The following PPME1 variants were observed in gnomAD, a reference collection of about 807,000 sequenced individuals.
PPME1 encodes the protein testicular secretory protein Li 39.
A neutral mutation model predicts 56.9 loss-of-function variants in PPME1; 17 were observed. The observed-to-expected ratio is 0.30, with a 90% CI of 0.20 to 0.45. The LOEUF is 0.45. Among genes scored for constraint, PPME1 ranks in the 20% least tolerant of loss-of-function variants. PPME1 has a pLI of 1.00. For synonymous variants in PPME1, 122 were observed against 156.2 expected (o/e 0.78, Z 1.63); for missense variants, 357 against 483.2 (o/e 0.74, Z 2.45).
intron 5 of PPME1, among the ~76,000 whole-genome samples, chr11:74,227,251 T>TA (rs1858953769): frequency 6.6e-6 from 1 of 152,132 alleles, no homozygotes; most frequent in African/African-American, 2.4e-5. Flanking sequence ...CTGGCAAGGG[T>TA]AAAATATTTA....
chr11:74,174,236 C>T (rs546226728), intron 1 of PPME1, among the ~76,000 whole-genome samples: 1 of 152,108 alleles, frequency 6.6e-6, no homozygotes, highest in Non-Finnish European at 1.5e-5. Context: ...CCTAAGGTAC[C>T]CTAGAAGCTT....
intron 1 of PPME1, among the ~76,000 whole-genome samples, chr11:74,195,689 C>T (rs1857962785): frequency 1.3e-5 from 2 of 152,178 alleles, no homozygotes; most frequent in African/African-American, 4.8e-5. Context: ...AAATAATCTT[C>T]CCTGTTTCCT....
At chr11:74,252,940 T>C (rs377020021) in intron 13 of PPME1, among the ~76,000 whole-genome samples, 1 of 152,180 alleles carries the variant, frequency 6.6e-6, no homozygotes, top group East Asian at 1.9e-4. Context: ...CCTTTGATCC[T>C]CAGAGAGCCC....
At chr11:74,252,664 C>T (rs977373423) in intron 13 of PPME1, 3 of 391,284 alleles carry the variant, frequency 7.7e-6, no homozygotes, top group African/African-American at 6.2e-5. Flanking sequence ...TGGCTTTTAC[C>T]CACCTGATAA....
chr11:74,204,317 CA>C, intron 2 of PPME1, 35 bp from the exon 3 acceptor site: 1 of 1,517,142 alleles, frequency 6.6e-7, no homozygotes, highest in Non-Finnish European at 9.1e-7. Context: ...CTTTAGTGAG[CA>C]AAAACATAGA....
chr11:74,183,903 A>G (rs1857603802), intron 1 of PPME1, among the ~76,000 whole-genome samples: 1 of 152,214 alleles, frequency 6.6e-6, no homozygotes, highest in Non-Finnish European at 1.5e-5. Context: ...TGCAATGGAA[A>G]CATCACATTT....
At position 74,172,519 on chromosome 11, in the gene PPME1, G is replaced by A. The variant is rs563955036; in HGVS notation, c.101+997G>A. Among the ~76,000 whole-genome samples, 5 of 152,316 alleles carry A rather than the reference G, an allele frequency of 3.3e-5. No individual in the cohort carries two copies. In the South Asian group the frequency reaches 8.3e-4, roughly 25 times the overall value. ...TGAATTAGTGAAGCATTGGGAGTTC[G>A]AGAAATAGTTTGCTGGAAAGGAAGG... On this transcript the variant is annotated intron_variant, in intron 1 of 13. Transcript: ENST00000328257.
At chr11:74,243,073 T>G (rs1565395630) in intron 9 of PPME1, among the ~76,000 whole-genome samples, 1 of 152,022 alleles carries the variant, frequency 6.6e-6, no homozygotes, top group Non-Finnish European at 1.5e-5. Context: ...GATGCCCTTG[T>G]GTGGAGAACT....
At chr11:74,177,019 A>AT (rs986723356) in intron 1 of PPME1, among the ~76,000 whole-genome samples, 37 of 151,376 alleles carry the variant, frequency 2.4e-4, no homozygotes, top group African/African-American at 8.5e-4. Flanking sequence ...GCATGAGCCA[A>AT]TTTTTTTTTA....
chr11:74,177,775 T>A (rs1857437400), intron 1 of PPME1, among the ~76,000 whole-genome samples: 1 of 152,232 alleles, frequency 6.6e-6, no homozygotes, highest in South Asian at 2.1e-4. Context: ...TTTTATGATG[T>A]TGAATGTTCC....
chr11:74,215,475 A>G (rs1432604632), intron 3 of PPME1, among the ~76,000 whole-genome samples: 1 of 152,238 alleles, frequency 6.6e-6, no homozygotes, highest in Non-Finnish European at 1.5e-5. Flanking sequence ...CTTTACAATA[A>G]TGGGTTATGA....
intron 1 of PPME1, among the ~76,000 whole-genome samples, chr11:74,187,220 T>C (rs910615876): frequency 6.6e-6 from 1 of 152,180 alleles, no homozygotes; most frequent in Admixed American, 6.5e-5. Context: ...AAAAAACTTA[T>C]TTTGGGTCCC....
intron 1 of PPME1, among the ~76,000 whole-genome samples, chr11:74,172,959 G>C (rs936107818): frequency 6.6e-6 from 1 of 152,086 alleles, no homozygotes; most frequent in Non-Finnish European, 1.5e-5. Context: ...AAAGAAAGGA[G>C]AATCCTATAA....
chr11:74,208,236 C>T (rs1303286346), intron 3 of PPME1, among the ~76,000 whole-genome samples: 9 of 150,348 alleles, frequency 6.0e-5, no homozygotes, highest in East Asian at 4.0e-4. Flanking sequence ...CGCTTGAACA[C>T]GGGGGGCAGA....
chr11:74,238,961 C>T (rs117079081), intron 8 of PPME1, 172 bp from the exon 9 acceptor site: 257 of 632,384 alleles, frequency 4.1e-4, no homozygotes, highest in East Asian at 3.9e-3. Flanking sequence ...AATAGTTATA[C>T]ATTGGCCATG....
intron 12 of PPME1, chr11:74,251,370 C>T (rs979046814): frequency 3.7e-6 from 5 of 1,357,942 alleles, no homozygotes; most frequent in Non-Finnish European, 3.8e-6. Context: ...AATATGGGCT[C>T]CTCCTGTGAG....
At chr11:74,249,035 G>A (rs921432829) in intron 11 of PPME1, 3 of 152,186 alleles carry the variant, frequency 2.0e-5, no homozygotes, top group Admixed American at 6.5e-5. Context: ...AAAAAATGCG[G>A]GTAGTCTAAC....
chr11:74,223,531 A>G (rs1403339476), intron 4 of PPME1, among the ~76,000 whole-genome samples: 1 of 134,498 alleles, frequency 7.4e-6, no homozygotes, highest in Non-Finnish European at 1.5e-5. Context: ...GACTTCCGCA[A>G]TGGTTGAACT....
At chr11:74,210,705 A>G (rs1858449901) in intron 3 of PPME1, among the ~76,000 whole-genome samples, 1 of 152,154 alleles carries the variant, frequency 6.6e-6, no homozygotes, top group East Asian at 1.9e-4. Context: ...CCATGAGTGG[A>G]AGCAGCCTGA....
Sources: allele counts gnomAD v4.1 joint callset (sites outside exome capture counted in the v4.1 genomes callset), GRCh38; gene constraint gnomAD v4.1.1; transcripts MANE v1.5; gene names NCBI Gene and HGNC (gene_info 2026-07-23, HGNC 2026-07-21).